Variants in CDKL3 observed in about 807,000 individuals in gnomAD.
CDKL3 encodes the protein cyclin dependent kinase like 3, also known as cyclin-dependent kinase-like 3.
In CDKL3, 65 loss-of-function variants were observed where a neutral mutation model predicts 69.3. The observed-to-expected ratio is 0.94, with a 90% CI of 0.77 to 1.15. The LOEUF (loss-of-function observed/expected upper bound fraction) is 1.15, where lower values mean the gene tolerates loss of function less well. Among genes scored for constraint, CDKL3 ranks in the 50% most tolerant of loss-of-function variants. The pLI is 0.00. For synonymous variants in CDKL3, 202 were observed against 221.6 expected (o/e 0.91, Z 0.79); for missense variants, 652 against 689.2 (o/e 0.95, Z 0.61).
intron 10 of CDKL3, 80 bp from the exon 11 acceptor site, chr5:134,304,647 T>C: frequency 1.8e-6 from 2 of 1,133,336 alleles, no homozygotes; most frequent in Non-Finnish European, 2.5e-6. Context: ...GCTAGCCATT[T>C]GGATGGTATA....
At position 134,349,899 on chromosome 5, in the gene CDKL3, C is replaced by T. The variant is rs146184021; in HGVS notation, c.539+350G>A. Among the ~76,000 whole-genome samples, 607 of 152,172 alleles carry T rather than the reference C, an allele frequency of 4.0e-3. 1 individual carries two copies. The highest frequency in any genetic ancestry group is 6.2e-3 in the Non-Finnish European group (420 of 67,984). ...CACATACCAAGGGATAAAAGAGATACCTAGGAGGCTAGGCACACTGACTCA... is the reference window on the plus strand; with the variant it reads ...CACATACCAAGGGATAAAAGAGATATCTAGGAGGCTAGGCACACTGACTCA... On this transcript the variant is annotated intron_variant, in intron 4 of 12. Transcript: ENST00000265334.
Position 134,308,421 on chromosome 5 carries a change from T to C in CDKL3, c.1081A>G (p.Ile361Val). The change falls in exon 9 of 13, where the codon ATT becomes GTT. Residue 361 changes from isoleucine (I) to valine (V), a missense_variant. Ile to Val is a conservative substitution (Grantham distance 29, BLOSUM62 3). Transcript: ENST00000265334. ...TCTCCTCTTCCTCCTTTGACTTTAA[T>C]AACTCTGACTTTGATCTCCTTGGGC... is the stretch of plus-strand genomic sequence containing the variant. ...KKPKEIKVRV[I>V]KVKGGRGDIS... The C allele has an allele frequency of 6.2e-7, 1 of 1,613,256 alleles. No homozygotes were observed. Among genetic ancestry groups the C allele is most frequent in the Non-Finnish European group, 8.5e-7 (1 of 1,179,796 alleles).
chr5:134,307,157 A>G (rs191337939), intron 9 of CDKL3, among the ~76,000 whole-genome samples: 38 of 152,246 alleles, frequency 2.5e-4, no homozygotes, highest in Non-Finnish European at 4.7e-4. Flanking sequence ...TTACCTACCA[A>G]TTGCCCTTAG....
intron 8 of CDKL3, among the ~76,000 whole-genome samples, chr5:134,288,457 T>C (rs1764976051): frequency 6.6e-6 from 1 of 152,212 alleles, no homozygotes; most frequent in Admixed American, 6.5e-5. Context: ...TTGTATTTAA[T>C]GAAACACTTT....
intron 3 of CDKL3, among the ~76,000 whole-genome samples, chr5:134,355,636 C>T (rs1047913138): frequency 2.0e-5 from 3 of 152,176 alleles, no homozygotes; most frequent in African/African-American, 7.2e-5. Context: ...TAATCTTTCT[C>T]TGTCATTTTC....
intron 4 of CDKL3, among the ~76,000 whole-genome samples, chr5:134,326,822 T>C (rs1774374474): frequency 1.9e-5 from 2 of 105,130 alleles, no homozygotes; most frequent in Non-Finnish European, 1.7e-5. Flanking sequence ...TGTGTGTATA[T>C]ATATATATAT....
chr5:134,325,373 A>T (rs923068666), intron 4 of CDKL3, among the ~76,000 whole-genome samples: 5 of 152,248 alleles, frequency 3.3e-5, no homozygotes, highest in Admixed American at 6.5e-5. Context: ...ATAACCATAG[A>T]TGATATAATA....
In CDKL3 at chr5:134,308,653, G is replaced by C. The variant is rs1331840909; in HGVS notation, c.956C>G (p.Ser319Cys). The change falls in exon 8 of 13, where the codon TCT becomes TGT. Residue 319 changes from serine to cysteine, a missense_variant. Coordinates refer to ENST00000265334, the MANE Select transcript of CDKL3 (RefSeq NM_001113575.2). ...VNSLIKPKES[S>C]KENELRKDER... ...ATCTTTCCTGAGTTCATTTTCTTTAGAACTCTCTTTTGGCTTTATTAATGA... is the reference window on the plus strand; with the variant it reads ...ATCTTTCCTGAGTTCATTTTCTTTACAACTCTCTTTTGGCTTTATTAATGA... 6.2e-7 allele frequency: 1 copy of C among 1,610,266 alleles called. No individual in the cohort carries two copies. Among genetic ancestry groups the C allele is most frequent in the African/African-American group, 1.3e-5 (1 of 74,774 alleles).
chr5:134,286,420 C>A, downstream of CDKL3: 1 of 195,974 alleles, frequency 5.1e-6, no homozygotes, highest in South Asian at 8.9e-5. Context: ...CTTCTGAGCT[C>A]TCCAAACTGT....
At position 134,319,338 on chromosome 5, in the gene CDKL3, G is replaced by T. The variant is rs1440215436; in HGVS notation, c.792+20C>A. ...GAGCAAGACTCTGTCTCCGGGGGAG[G>T]AAAAAAAAAAAAAACATACATGAAC... On this transcript the variant is annotated intron_variant, in intron 6 of 12. Transcript: ENST00000265334. 9.0e-6 allele frequency: 11 copies of T among 1,219,716 alleles called. No individual in the cohort carries two copies. The South Asian group carries it at 1.4e-4, about 15-fold the overall frequency. 75.6% of individuals were successfully genotyped at this position (1,219,716 alleles called of 1,614,324 possible).
chr5:134,296,821 G>A (rs1000831577), downstream of CDKL3, among the ~76,000 whole-genome samples: 5 of 140,102 alleles, frequency 3.6e-5, no homozygotes, highest in African/African-American at 1.1e-4. Flanking sequence ...ACACACGCAC[G>A]CACACACACG....
At chr5:134,323,440 G>A (rs1773320095) in intron 4 of CDKL3, among the ~76,000 whole-genome samples, 1 of 152,070 alleles carries the variant, frequency 6.6e-6, no homozygotes, top group Non-Finnish European at 1.5e-5. Flanking sequence ...ATTTGAAAAA[G>A]AACAAAGACT....
chr5:134,367,507 G>A (rs1052098337), upstream of CDKL3: 16 of 584,542 alleles, frequency 2.7e-5, no homozygotes, highest in African/African-American at 3.2e-4. Context: ...CCGAGTAGCT[G>A]GGATTACAGG....
intron 3 of CDKL3, among the ~76,000 whole-genome samples, chr5:134,353,690 TA>T (rs1219709545): frequency 2.0e-5 from 3 of 152,046 alleles, no homozygotes; most frequent in Non-Finnish European, 4.4e-5. Context: ...TAGCTAGGAC[TA>T]CAGGACTACG....
downstream of CDKL3, chr5:134,298,147 T>C (rs2149407299): frequency 2.0e-6 from 1 of 511,330 alleles, no homozygotes; most frequent in East Asian, 1.5e-4. Context: ...TTGGTCAGGC[T>C]GGTTTCGAAC....
At position 134,306,656 on chromosome 5, in the gene CDKL3, C is replaced by T. The variant is rs1767917321; in HGVS notation, c.1411G>A (p.Gly471Arg). 1.9e-6 allele frequency: 3 copies of T among 1,579,550 alleles called. No homozygotes were observed. The highest frequency in any genetic ancestry group is 2.6e-6 in the Non-Finnish European group (3 of 1,168,818). ...KKRRTSSQSI[G>R]QVMPNSRQED... ...TGCCTGCTATTAGGCATAACTTGTC[C>T]AATAGATTGTGAAGAAGTGCGTCTC... is the stretch of plus-strand genomic sequence containing the variant. Residue 471 changes from glycine to arginine, a missense_variant, in exon 10 of 13, where the codon GGA becomes AGA. Physicochemically the swap from Gly to Arg is moderately radical, Grantham distance 125 (BLOSUM62 -2). Transcript: ENST00000265334.
chr5:134,315,691 T>C (rs1193752535), intron 6 of CDKL3, among the ~76,000 whole-genome samples: 1 of 152,140 alleles, frequency 6.6e-6, no homozygotes, highest in Non-Finnish European at 1.5e-5. Flanking sequence ...ATAATGTTTC[T>C]CTCTCCTGTA....
chr5:134,327,837 G>T (rs989452783), intron 4 of CDKL3, among the ~76,000 whole-genome samples: 3 of 152,160 alleles, frequency 2.0e-5, no homozygotes, highest in Non-Finnish European at 4.4e-5. Flanking sequence ...GCCAGGGAAA[G>T]AAAGGAAGAT....
Position 134,310,600 on chromosome 5 carries a change from G to A in CDKL3, c.881+1692C>T, listed in dbSNP as rs143600049. Among the ~76,000 whole-genome samples the A allele has an allele frequency of 1.8e-3, 279 of 152,210 alleles. 2 individuals carry two copies. The Middle Eastern group carries it at 0.02, about 11-fold the overall frequency. Reference sequence around the variant, plus strand: ...CCTCCTGGGTTCAAATGACTCTCCTGTCCCAGCCTCCTGAGTAGTTGGGAC... The same window carrying A: ...CCTCCTGGGTTCAAATGACTCTCCTATCCCAGCCTCCTGAGTAGTTGGGAC... On this transcript the variant is annotated intron_variant, in intron 7 of 12. Coordinates refer to ENST00000265334, the MANE Select transcript of CDKL3 (RefSeq NM_001113575.2).
Sources: allele counts gnomAD v4.1 joint callset (sites outside exome capture counted in the v4.1 genomes callset), GRCh38; gene constraint gnomAD v4.1.1; transcripts MANE v1.5; gene names NCBI Gene and HGNC (gene_info 2026-07-23, HGNC 2026-07-21).